The following THSD4 variants were observed in gnomAD, a reference collection of about 807,000 sequenced individuals.
THSD4 encodes thrombospondin type 1 domain containing 4, also known as thrombospondin type-1 domain-containing protein 4.
THSD4 carries 69 observed loss-of-function variants against 119.0 expected under a neutral mutation model. That is an observed-to-expected ratio of 0.58 (90% CI 0.48 to 0.71). THSD4 has a LOEUF of 0.71. Among genes scored for constraint, THSD4 ranks in the 30% least tolerant of loss-of-function variants. The pLI, the probability that THSD4 is intolerant of heterozygous loss-of-function variation, is 0.00. For synonymous variants in THSD4, 524 were observed against 540.4 expected, an observed-to-expected ratio of 0.97 and a Z score of 0.42; for missense variants, 1,393 against 1,391.1, an observed-to-expected ratio of 1.00 and a Z score of -0.02.
chr15:71,655,584 ATGT>A (rs1222369977), intron 7 of THSD4, among the ~76,000 whole-genome samples: 2 of 152,128 alleles, frequency 1.3e-5, no homozygotes, highest in Admixed American at 6.6e-5. Flanking sequence ...ATTACATTCT[ATGT>A]TTGCCTCATT....
intron 7 of THSD4, among the ~76,000 whole-genome samples, chr15:71,559,464 G>A (rs969828057): frequency 8.6e-5 from 13 of 151,748 alleles, no homozygotes; most frequent in Admixed American, 3.3e-4. Flanking sequence ...TGTTTTCTGC[G>A]ATTTGAATGG....
intron 16 of THSD4, among the ~76,000 whole-genome samples, chr15:71,770,654 CAAAAAAG>C (rs772346276): frequency 6.6e-6 from 1 of 151,368 alleles, no homozygotes; most frequent in Non-Finnish European, 1.5e-5. Flanking sequence ...GACTCCATCT[CAAAAAAG>C]AAAAAAATCT....
At chr15:71,623,308 C>T (rs1319546739) in intron 7 of THSD4, among the ~76,000 whole-genome samples, 1 of 152,134 alleles carries the variant, frequency 6.6e-6, no homozygotes, top group East Asian at 1.9e-4. Context: ...ATGTGCCAGG[C>T]ATTGTGCGAA....
At chr15:71,411,946 A>G (rs1177102569) in intron 7 of THSD4, 123 bp downstream of exon 7, 2 of 1,320,344 alleles carry the variant, frequency 1.5e-6, no homozygotes, top group Non-Finnish European at 2.1e-6. Context: ...CCACTCAACC[A>G]TGCGCTCTGG....
chr15:71,303,122 A>G (rs1479119981), intron 6 of THSD4, among the ~76,000 whole-genome samples: 4 of 152,206 alleles, frequency 2.6e-5, no homozygotes, highest in Non-Finnish European at 5.9e-5. Context: ...TTTCCTACCC[A>G]GGAGGAGACT....
chr15:71,562,422 A>G (rs972398764), intron 7 of THSD4, among the ~76,000 whole-genome samples: 1 of 152,146 alleles, frequency 6.6e-6, no homozygotes, highest in East Asian at 1.9e-4. Flanking sequence ...TCATTAATCA[A>G]CTTATCATAT....
At chr15:71,614,282 G>A (rs1179834975) in intron 7 of THSD4, among the ~76,000 whole-genome samples, 1 of 152,104 alleles carries the variant, frequency 6.6e-6, no homozygotes, top group Non-Finnish European at 1.5e-5. Context: ...CCTGGATTCG[G>A]CCACCATTAC....
In THSD4 at chr15:71,782,698, G is replaced by T. The variant is rs1452757236; in HGVS notation, c.*5324G>T. ...ATTGTTTAGTATGCTAATCAGTCCA[G>T]TTCCCTGAGGTTTAAGATCAAATAT... is the stretch of plus-strand genomic sequence containing the variant. On this transcript the variant is annotated 3_prime_UTR_variant, in exon 18 of 18. Transcript: ENST00000261862. 6.6e-6 allele frequency: 1 copy of T among 152,314 alleles called. No homozygotes were observed. The highest frequency in any genetic ancestry group is 1.5e-5 in the Non-Finnish European group (1 of 68,038). 9.4% of individuals were successfully genotyped at this position (152,314 alleles called of 1,614,324 possible). A position where few individuals can be genotyped will look rare whatever the true frequency, so the allele number is the denominator to read the frequency against.
At chr15:71,454,714 A>C (rs1461075977) in intron 7 of THSD4, among the ~76,000 whole-genome samples, 1 of 152,248 alleles carries the variant, frequency 6.6e-6, no homozygotes, top group African/African-American at 2.4e-5. Flanking sequence ...ATTGAAAAGA[A>C]GGCTTTCTCA....
At chr15:71,747,577 A>T (rs529298752) in intron 13 of THSD4, among the ~76,000 whole-genome samples, 1 of 152,248 alleles carries the variant, frequency 6.6e-6, no homozygotes, top group Non-Finnish European at 1.5e-5. Context: ...GGAGACGGGG[A>T]CCCCTTGAAT....
At chr15:71,726,469 C>T (rs938936079) in intron 8 of THSD4, among the ~76,000 whole-genome samples, 1 of 152,206 alleles carries the variant, frequency 6.6e-6, no homozygotes, top group African/African-American at 2.4e-5. Flanking sequence ...ATGAGCTGAT[C>T]CTTGTTGAAG....
At chr15:71,137,658 G>A (rs2040564013) in intron 1 of THSD4, among the ~76,000 whole-genome samples, 1 of 152,114 alleles carries the variant, frequency 6.6e-6, no homozygotes, top group African/African-American at 2.4e-5. Context: ...TACTAATCAC[G>A]GAAGCTCAAG....
chr15:71,438,543 A>T (rs981324602), intron 7 of THSD4, among the ~76,000 whole-genome samples: 4 of 152,198 alleles, frequency 2.6e-5, no homozygotes, highest in Admixed American at 2.0e-4. Flanking sequence ...GTATCGTGTG[A>T]GGTATGGGTT....
intron 3 of THSD4, among the ~76,000 whole-genome samples, chr15:71,211,850 T>A (rs1020106765): frequency 6.6e-6 from 1 of 152,206 alleles, no homozygotes; most frequent in African/African-American, 2.4e-5. Context: ...TTATAAAGCT[T>A]CGAGGTTCAA....
At chr15:71,129,967 T>C (rs1348794343) in intron 1 of THSD4, among the ~76,000 whole-genome samples, 2 of 152,176 alleles carry the variant, frequency 1.3e-5, no homozygotes, top group Non-Finnish European at 2.9e-5. Context: ...TGGGATGTTT[T>C]CTGGATGGTC....
At chr15:71,160,556 C>T (rs1207899856) in intron 3 of THSD4, among the ~76,000 whole-genome samples, 3 of 151,974 alleles carry the variant, frequency 2.0e-5, no homozygotes, top group Admixed American at 2.0e-4. Flanking sequence ...AGGTTGTATA[C>T]ATCCAGGAAT....
At chr15:71,640,361 G>C (rs2050833834) in intron 7 of THSD4, among the ~76,000 whole-genome samples, 1 of 152,066 alleles carries the variant, frequency 6.6e-6, no homozygotes, top group African/African-American at 2.4e-5. Flanking sequence ...GACTATAGGT[G>C]TGAGCCACTG....
intron 6 of THSD4, among the ~76,000 whole-genome samples, chr15:71,276,780 T>C (rs2044595314): frequency 6.6e-6 from 1 of 152,228 alleles, no homozygotes; most frequent in African/African-American, 2.4e-5. Flanking sequence ...TATGAACAGG[T>C]TATCGTACAT....
At chr15:71,408,090 T>A (rs946491518) in intron 6 of THSD4, among the ~76,000 whole-genome samples, 4 of 151,994 alleles carry the variant, frequency 2.6e-5, no homozygotes, top group African/African-American at 9.7e-5. Context: ...TTTCCCACTT[T>A]CCCTGCACCA....
Sources: allele counts gnomAD v4.1 joint callset (sites outside exome capture counted in the v4.1 genomes callset), GRCh38; gene constraint gnomAD v4.1.1; transcripts MANE v1.5; gene names NCBI Gene and HGNC (gene_info 2026-07-23, HGNC 2026-07-21).